The following OPRM1 variants were observed in gnomAD, a reference collection of about 807,000 sequenced individuals.
The protein encoded by OPRM1 is mu-type opioid receptor.
In OPRM1, 27 loss-of-function variants were observed where a neutral mutation model predicts 31.8. The observed-to-expected ratio is 0.85, with a 90% CI of 0.63 to 1.17. OPRM1 has a LOEUF of 1.17. OPRM1 is among the 50% of genes most tolerant of loss of function. The pLI, the probability that OPRM1 is intolerant of heterozygous loss-of-function variation, is 0.00. For missense variants in OPRM1, 536 were observed against 511.1 expected (o/e 1.05, Z -0.47); for synonymous variants, 196 against 189.9 (o/e 1.03, Z -0.26).
At chr6:154,181,781 A>G (rs1800897186) in intron 3 of OPRM1, among the ~76,000 whole-genome samples, 1 of 152,238 alleles carries the variant, frequency 6.6e-6, no homozygotes, top group South Asian at 2.1e-4. Context: ...GCAATCTAGG[A>G]CACAAACCAC....
intron 3 of OPRM1, among the ~76,000 whole-genome samples, chr6:154,142,020 T>C (rs953400933): frequency 1.3e-5 from 2 of 152,212 alleles, no homozygotes; most frequent in African/African-American, 4.8e-5. Flanking sequence ...TCATCTTTGA[T>C]TTCTCCTCTC....
chr6:154,045,097 A>T (rs1780851715), intron 1 of OPRM1, among the ~76,000 whole-genome samples: 1 of 152,014 alleles, frequency 6.6e-6, no homozygotes, highest in Non-Finnish European at 1.5e-5. Context: ...TGGGTGGCGC[A>T]TGCTTGTAAT....
intron 3 of OPRM1, among the ~76,000 whole-genome samples, chr6:154,215,021 A>G (rs991651820): frequency 1.9e-4 from 29 of 152,202 alleles, no homozygotes; most frequent in African/African-American, 7.0e-4. Context: ...TCTATGACAT[A>G]TACTCCTAAC....
chr6:154,099,329 A>AAGGAAGGAAGGAAGGAAGGAAGGG (rs1188397084), intron 3 of OPRM1, among the ~76,000 whole-genome samples: 8 of 119,350 alleles, frequency 6.7e-5, no homozygotes, highest in Non-Finnish European at 1.2e-4. Context: ...GGAAGGAAGG[A>AAGGAAGGAAGGAAGGAAGGAAGGG]AGGGAGGGAG....
chr6:154,170,377 G>A (rs1799776652), intron 3 of OPRM1, among the ~76,000 whole-genome samples: 2 of 152,102 alleles, frequency 1.3e-5, no homozygotes, highest in South Asian at 4.1e-4. Flanking sequence ...GGTGACCTAG[G>A]AGCATCAAAA....
intron 3 of OPRM1, among the ~76,000 whole-genome samples, chr6:154,221,529 G>C (rs1031798942): frequency 1.3e-5 from 2 of 152,154 alleles, no homozygotes; most frequent in African/African-American, 4.8e-5. Context: ...TTTTATGTCA[G>C]AACGTCCAGA....
chr6:154,082,972 A>C (rs1789516841), intron 1 of OPRM1, among the ~76,000 whole-genome samples: 1 of 152,240 alleles, frequency 6.6e-6, no homozygotes. Context: ...TATTTATCAC[A>C]GAATACAGAA....
At chr6:154,179,919 T>G (rs1800686951) in intron 3 of OPRM1, among the ~76,000 whole-genome samples, 1 of 152,060 alleles carries the variant, frequency 6.6e-6, no homozygotes, top group Non-Finnish European at 1.5e-5. Context: ...TGTGCCGAGA[T>G]TGTAAATTTT....
At chr6:154,037,326 G>C (rs1454182832), upstream of OPRM1, among the ~76,000 whole-genome samples, 1 of 149,984 alleles carries the variant, frequency 6.7e-6, no homozygotes, top group East Asian at 1.9e-4. Flanking sequence ...CCTAAGGAGA[G>C]TCAAGAGAAC....
At chr6:154,080,676 T>C (rs956642833) in intron 1 of OPRM1, among the ~76,000 whole-genome samples, 3 of 152,174 alleles carry the variant, frequency 2.0e-5, no homozygotes, top group African/African-American at 7.2e-5. Flanking sequence ...TCCCATCTGC[T>C]CACATGATTA....
intron 3 of OPRM1, among the ~76,000 whole-genome samples, chr6:154,208,460 G>A (rs1251356541): frequency 2.0e-5 from 3 of 152,074 alleles, no homozygotes; most frequent in Admixed American, 2.0e-4. Flanking sequence ...TGACTCACTG[G>A]ACTCCACTTC....
At chr6:154,087,232 G>A in intron 1 of OPRM1, 2 of 985,394 alleles carry the variant, frequency 2.0e-6, no homozygotes, top group Non-Finnish European at 2.4e-6. Context: ...TAAAGCTTCA[G>A]TAACAAAGCT....
intron 3 of OPRM1, among the ~76,000 whole-genome samples, chr6:154,206,533 A>G (rs775073525): frequency 1.3e-5 from 2 of 152,240 alleles, no homozygotes; most frequent in Non-Finnish European, 2.9e-5. Context: ...TCTGACTTTA[A>G]GAATTTAATA....
chr6:154,204,756 T>C (rs148562244), intron 3 of OPRM1, among the ~76,000 whole-genome samples: 4 of 152,312 alleles, frequency 2.6e-5, no homozygotes, highest in Non-Finnish European at 5.9e-5. Flanking sequence ...AAACCACAGA[T>C]AGAGTATTTC....
chr6:154,056,800 A>G (rs1465379204), intron 1 of OPRM1, among the ~76,000 whole-genome samples: 1 of 152,150 alleles, frequency 6.6e-6, no homozygotes, highest in Non-Finnish European at 1.5e-5. Context: ...TAACCTGAAC[A>G]TCAGAGCCTC....
At chr6:154,132,954 T>C (rs180834458), downstream of OPRM1, among the ~76,000 whole-genome samples, 86 of 152,090 alleles carry the variant, frequency 5.7e-4, no homozygotes, top group East Asian at 0.016. Context: ...ACCCCATCTC[T>C]ACTAAAAATT....
chr6:154,181,866 GTAA>G (rs1318612548), intron 3 of OPRM1, among the ~76,000 whole-genome samples: 1 of 152,126 alleles, frequency 6.6e-6, no homozygotes, highest in Non-Finnish European at 1.5e-5. Context: ...AAAGCAGAAG[GTAA>G]TAATCATAAA....
intron 3 of OPRM1, among the ~76,000 whole-genome samples, chr6:154,149,971 C>A (rs1220271320): frequency 1.3e-5 from 2 of 152,214 alleles, no homozygotes. Flanking sequence ...TGCTAATAGC[C>A]CCCTCACCAG....
chr6:154,058,772 T>A (rs1249853513), intron 1 of OPRM1, among the ~76,000 whole-genome samples: 1 of 152,184 alleles, frequency 6.6e-6, no homozygotes, highest in African/African-American at 2.4e-5. Flanking sequence ...TGAAAGTAAC[T>A]ACAGTTCAGA....
Sources: allele counts gnomAD v4.1 joint callset (sites outside exome capture counted in the v4.1 genomes callset), GRCh38; gene constraint gnomAD v4.1.1; transcripts MANE v1.5; gene names NCBI Gene and HGNC (gene_info 2026-07-23, HGNC 2026-07-21).